Variants in XYLT1 observed in about 807,000 individuals in gnomAD.
The protein encoded by XYLT1 is beta-D-xylosyltransferase 1.
In XYLT1, 36 loss-of-function variants were observed where a neutral mutation model predicts 91.3. The observed-to-expected ratio is 0.39, with a 90% CI of 0.30 to 0.52. XYLT1 has a LOEUF of 0.52. XYLT1 is among the 20% of genes least tolerant of loss of function. The pLI is 0.68. For synonymous variants in XYLT1, 588 were observed against 532.0 expected (o/e 1.11, Z -1.45); for missense variants, 1,242 against 1,284.5 (o/e 0.97, Z 0.51).
chr16:17,150,129 A>G (rs1475982938), intron 6 of XYLT1, among the ~76,000 whole-genome samples: 2 of 152,204 alleles, frequency 1.3e-5, no homozygotes, highest in East Asian at 3.9e-4. Context: ...CATGAAGGTG[A>G]CAAGTGTCCT....
At chr16:17,419,267 T>C (rs2036219964) in intron 1 of XYLT1, among the ~76,000 whole-genome samples, 1 of 151,816 alleles carries the variant, frequency 6.6e-6, no homozygotes, top group African/African-American at 2.4e-5. Flanking sequence ...GCTTGAGACC[T>C]GGAGGTTGAG....
intron 5 of XYLT1, among the ~76,000 whole-genome samples, chr16:17,178,633 G>T (rs2031997599): frequency 1.3e-5 from 2 of 152,194 alleles, no homozygotes; most frequent in African/African-American, 4.8e-5. Flanking sequence ...TTTTTAGAAA[G>T]AAAATTTTAC....
intron 5 of XYLT1, among the ~76,000 whole-genome samples, chr16:17,185,611 CT>C (rs2141573029): frequency 6.6e-6 from 1 of 152,328 alleles, no homozygotes; most frequent in African/African-American, 2.4e-5. Flanking sequence ...ATTTATTTTT[CT>C]AACTATGTGA....
chr16:17,109,078 A>G (rs940580106), intron 11 of XYLT1, 61 bp from the exon 12 acceptor site: 2 of 1,453,964 alleles, frequency 1.4e-6, no homozygotes, highest in African/African-American at 2.8e-5. Flanking sequence ...GCCTATTCAT[A>G]CTTACCCTGT....
chr16:17,313,688 T>G (rs200633551), intron 2 of XYLT1, among the ~76,000 whole-genome samples: 42 of 143,106 alleles, frequency 2.9e-4, no homozygotes, highest in Admixed American at 7.7e-4. Context: ...TCCAAACCAT[T>G]AAAAAAAAAA....
At chr16:17,367,110 C>A (rs1321487244) in intron 1 of XYLT1, among the ~76,000 whole-genome samples, 1 of 152,220 alleles carries the variant, frequency 6.6e-6, no homozygotes, top group African/African-American at 2.4e-5. Flanking sequence ...TTGTGGAGCA[C>A]TGACTGAGAT....
At chr16:17,241,980 A>G (rs1465812949) in intron 3 of XYLT1, among the ~76,000 whole-genome samples, 2 of 152,336 alleles carry the variant, frequency 1.3e-5, no homozygotes, top group East Asian at 3.9e-4. Flanking sequence ...GGCACGTCCT[A>G]CATGGCCGCA....
At chr16:17,275,045 T>A (rs1268882598) in intron 2 of XYLT1, among the ~76,000 whole-genome samples, 1 of 151,910 alleles carries the variant, frequency 6.6e-6, no homozygotes. Context: ...GGCGTGGTGG[T>A]GTGCGCCTGT....
chr16:17,430,800 T>G (rs186273987), intron 1 of XYLT1, among the ~76,000 whole-genome samples: 1 of 152,292 alleles, frequency 6.6e-6, no homozygotes, highest in Non-Finnish European at 1.5e-5. Context: ...CCTCAAAACC[T>G]TTTAGTTTGT....
chr16:17,250,352 A>G (rs1474432345), intron 3 of XYLT1: 1 of 152,252 alleles, frequency 6.6e-6, no homozygotes, highest in Non-Finnish European at 1.5e-5. Context: ...GTAGAACAGC[A>G]TTTCACAACA....
At chr16:17,188,775 T>G (rs1166725415) in intron 5 of XYLT1, among the ~76,000 whole-genome samples, 1 of 152,212 alleles carries the variant, frequency 6.6e-6, no homozygotes, top group Non-Finnish European at 1.5e-5. Flanking sequence ...TTCACATATA[T>G]GGACTCACTT....
At chr16:17,428,498 T>C (rs935409094) in intron 1 of XYLT1, among the ~76,000 whole-genome samples, 16 of 152,222 alleles carry the variant, frequency 1.1e-4, no homozygotes, top group African/African-American at 3.9e-4. Flanking sequence ...GCCCAGGACC[T>C]GACCCATGCT....
At chr16:17,463,233 C>A (rs2036844570) in intron 1 of XYLT1, among the ~76,000 whole-genome samples, 1 of 152,134 alleles carries the variant, frequency 6.6e-6, no homozygotes, top group Admixed American at 6.5e-5. Flanking sequence ...CAAACGGGAT[C>A]ACATCAAGCT....
At chr16:17,232,940 T>C (rs1262754005) in intron 3 of XYLT1, among the ~76,000 whole-genome samples, 1 of 152,194 alleles carries the variant, frequency 6.6e-6, no homozygotes, top group Non-Finnish European at 1.5e-5. Context: ...GATTGCCCCC[T>C]TTGGGCATAA....
chr16:17,378,209 C>T (rs1159720710), intron 1 of XYLT1, among the ~76,000 whole-genome samples: 1 of 151,956 alleles, frequency 6.6e-6, no homozygotes, highest in Non-Finnish European at 1.5e-5. Context: ...ACAAATGGCA[C>T]GAATGTTGAA....
intron 11 of XYLT1, among the ~76,000 whole-genome samples, chr16:17,116,108 A>C (rs930850402): frequency 1.3e-5 from 2 of 152,198 alleles, no homozygotes; most frequent in Non-Finnish European, 2.9e-5. Context: ...AAACTTCTAA[A>C]AGGATTCACA....
At position 17,109,717 on chromosome 16, in the gene XYLT1, G is replaced by C. The variant is rs148192149; in HGVS notation, c.2558-700C>G. On this transcript the variant is annotated intron_variant, in intron 11 of 11. Transcript: ENST00000261381. Reference sequence around the variant, plus strand: ...CAGAGCTGAGTATTTGAGACAGACTGTATTTTACCCAACAAGCTGAAAATA... The same window carrying C: ...CAGAGCTGAGTATTTGAGACAGACTCTATTTTACCCAACAAGCTGAAAATA... 8.2e-4 allele frequency among the ~76,000 whole-genome samples: 125 copies of C among 152,304 alleles called. No individual in the cohort carries two copies. The East Asian group carries it at 0.015, about 19-fold the overall frequency.
intron 3 of XYLT1, among the ~76,000 whole-genome samples, chr16:17,215,706 A>AAT (rs1182344258): frequency 6.6e-6 from 1 of 152,166 alleles, no homozygotes; most frequent in Non-Finnish European, 1.5e-5. Flanking sequence ...TAGGTAAGAG[A>AAT]AGAGGGAAAA....
intron 11 of XYLT1, among the ~76,000 whole-genome samples, chr16:17,111,908 G>C (rs1295812364): frequency 1.3e-5 from 2 of 152,182 alleles, no homozygotes; most frequent in Non-Finnish European, 2.9e-5. Context: ...ACAGGGTAGG[G>C]TGGGCAGCTT....
Sources: gnomAD v4.1 joint callset for allele counts (sites outside exome capture counted in the v4.1 genomes callset) on GRCh38, gnomAD v4.1.1 for gene constraint, MANE v1.5 for transcripts, NCBI Gene and HGNC (gene_info 2026-07-23, HGNC 2026-07-21) for gene names.